ZSWIM6: variants seen among roughly 807,000 people sequenced by gnomAD.
ZSWIM6 encodes the protein zinc finger SWIM domain-containing protein 6.
In ZSWIM6, 9 loss-of-function variants were observed where a neutral mutation model predicts 113.2. The observed-to-expected ratio is 0.08, with a 90% CI of 0.05 to 0.14. The LOEUF (loss-of-function observed/expected upper bound fraction) is 0.14, where lower values mean the gene tolerates loss of function less well. ZSWIM6 is among the 10% of genes least tolerant of loss of function. The pLI is 1.00. For synonymous variants in ZSWIM6, 611 were observed against 606.5 expected (o/e 1.01, Z -0.11); for missense variants, 1,162 against 1,552.2 (o/e 0.75, Z 4.22).
chr5:61,362,477 T>G (rs749458329), intron 1 of ZSWIM6, among the ~76,000 whole-genome samples: 94 of 152,286 alleles, frequency 6.2e-4, no homozygotes, highest in Non-Finnish European at 1.2e-3. Context: ...AGATTACAAG[T>G]GTGAGCCACT....
chr5:61,527,348 T>C (rs1749315225), intron 7 of ZSWIM6, among the ~76,000 whole-genome samples: 1 of 152,198 alleles, frequency 6.6e-6, no homozygotes, highest in Non-Finnish European at 1.5e-5. Context: ...GTTTTGGTTT[T>C]GGTTTTGGTT....
At chr5:61,382,630 C>T (rs1215966554) in intron 1 of ZSWIM6, among the ~76,000 whole-genome samples, 2 of 152,060 alleles carry the variant, frequency 1.3e-5, no homozygotes, top group South Asian at 2.1e-4. Context: ...ATGGTGAAAC[C>T]CCCCTCTACT....
At chr5:61,444,032 G>C (rs1351655912) in intron 1 of ZSWIM6, among the ~76,000 whole-genome samples, 2 of 151,512 alleles carry the variant, frequency 1.3e-5, no homozygotes, top group Non-Finnish European at 2.9e-5. Flanking sequence ...GTGCCATGTT[G>C]GTGTGCTGTA....
Position 61,332,319 on chromosome 5 carries a change from G to T in ZSWIM6, c.47G>T (p.Cys16Phe), listed in dbSNP as rs1361775935. 8.6e-7 allele frequency: 1 copy of T among 1,160,638 alleles called. No individual in the cohort carries two copies. The highest frequency in any genetic ancestry group is 1.1e-6 in the Non-Finnish European group (1 of 943,642). The allele number at this position is 1,160,638 out of a possible 1,614,324, so 71.9% of individuals were successfully genotyped here. A position where few individuals can be genotyped will look rare whatever the true frequency, so the allele number is the denominator to read the frequency against. Reference sequence around the variant, plus strand: ...CCTCCTCCCGCGAAACGGCTTTGCTGCCGGCCGGGCGGCGGCGGCGGCGGC... The same window carrying T: ...CCTCCTCCCGCGAAACGGCTTTGCTTCCGGCCGGGCGGCGGCGGCGGCGGC... ...QQPPPAKRLC[C>F]RPGGGGGGGG... Residue 16 changes from cysteine to phenylalanine, a missense_variant, in exon 1 of 14, where the codon TGC becomes TTC. By Grantham distance (205) the Cys-to-Phe change is radical (BLOSUM62 -2). Transcript: ENST00000252744.
intron 1 of ZSWIM6, among the ~76,000 whole-genome samples, chr5:61,373,825 C>T (rs1745316383): frequency 6.6e-6 from 1 of 151,908 alleles, no homozygotes; most frequent in Non-Finnish European, 1.5e-5. Flanking sequence ...TTTTTGATAT[C>T]TAAGATTTTT....
At chr5:61,440,000 T>C (rs1310792211) in intron 1 of ZSWIM6, among the ~76,000 whole-genome samples, 4 of 152,120 alleles carry the variant, frequency 2.6e-5, no homozygotes, top group African/African-American at 9.7e-5. Context: ...AAATCATGAC[T>C]TAGTATTTTA....
chr5:61,359,753 A>G (rs1007973296), intron 1 of ZSWIM6, among the ~76,000 whole-genome samples: 6 of 152,180 alleles, frequency 3.9e-5, no homozygotes, highest in Non-Finnish European at 8.8e-5. Context: ...GTAGTGATCT[A>G]AAGTCTTTAC....
intron 2 of ZSWIM6, among the ~76,000 whole-genome samples, chr5:61,486,798 T>G (rs537200209): frequency 1.3e-5 from 2 of 152,082 alleles, no homozygotes; most frequent in South Asian, 2.1e-4. Flanking sequence ...ATTTGTGGGG[T>G]TTTTTTGTTT....
In ZSWIM6 at chr5:61,332,736, C is replaced by T. The variant is rs1288894654; in HGVS notation, c.464C>T (p.Ser155Phe). The T allele has an allele frequency of 8.6e-5, 82 of 950,850 alleles. No homozygotes were observed. The South Asian group carries it at 3.5e-3, about 41-fold the overall frequency. The allele number at this position is 950,850 out of a possible 1,614,324, so 58.9% of individuals were successfully genotyped here. A position where few individuals can be genotyped will look rare whatever the true frequency, so the allele number is the denominator to read the frequency against. Reference sequence around the variant, plus strand: ...GCGGGCGGCGGCGGCGGCGGCGGCTCCTCGTCTTCCCCGGCCGCAACCTCG... The same window carrying T: ...GCGGGCGGCGGCGGCGGCGGCGGCTTCTCGTCTTCCCCGGCCGCAACCTCG... ...GGAGGGGGGG[S>F]SSSPAATSAA... The change falls in exon 1 of 14, where the codon TCC (serine) becomes TTC (phenylalanine). Residue 155 changes from serine to phenylalanine, a missense_variant. Transcript: ENST00000252744.
chr5:61,369,813 G>C (rs1233350145), intron 1 of ZSWIM6, among the ~76,000 whole-genome samples: 1 of 152,124 alleles, frequency 6.6e-6, no homozygotes, highest in Non-Finnish European at 1.5e-5. Context: ...GTTAAGATTT[G>C]CAATATTACT....
chr5:61,526,432 A>G, intron 7 of ZSWIM6, 36 bp downstream of exon 7: 1 of 1,550,310 alleles, frequency 6.5e-7, no homozygotes. Context: ...TTGGAATGGG[A>G]TTCTTAGTGA....
At chr5:61,461,299 GCTCT>G (rs1342905952) in intron 1 of ZSWIM6, among the ~76,000 whole-genome samples, 1 of 152,094 alleles carries the variant, frequency 6.6e-6, no homozygotes, top group Non-Finnish European at 1.5e-5. Flanking sequence ...GTCATGGTTG[GCTCT>G]CTATTACTGC....
At chr5:61,531,413 T>C in intron 8 of ZSWIM6, 52 bp from the exon 9 acceptor site, 1 of 1,514,406 alleles carries the variant, frequency 6.6e-7, no homozygotes, top group Non-Finnish European at 8.9e-7. Flanking sequence ...ACTTATCATA[T>C]CATCTGCAAA....
At chr5:61,410,562 C>A (rs1746133220) in intron 1 of ZSWIM6, among the ~76,000 whole-genome samples, 1 of 152,136 alleles carries the variant, frequency 6.6e-6, no homozygotes, top group Non-Finnish European at 1.5e-5. Context: ...CCCACCTTGG[C>A]CTCCCAGAGT....
intron 4 of ZSWIM6, among the ~76,000 whole-genome samples, chr5:61,506,240 A>G (rs943151060): frequency 6.6e-6 from 1 of 152,118 alleles, no homozygotes; most frequent in African/African-American, 2.4e-5. Flanking sequence ...GTTTTAGTGA[A>G]TTAAAAACTG....
At chr5:61,426,626 G>GT (rs1746467785) in intron 1 of ZSWIM6, among the ~76,000 whole-genome samples, 1 of 150,920 alleles carries the variant, frequency 6.6e-6, no homozygotes, top group African/African-American at 2.4e-5. Flanking sequence ...TTCCTTCACA[G>GT]TAACAGGATC....
At chr5:61,532,395 G>C (rs1212531813) in intron 9 of ZSWIM6, among the ~76,000 whole-genome samples, 1 of 152,170 alleles carries the variant, frequency 6.6e-6, no homozygotes, top group Non-Finnish European at 1.5e-5. Context: ...AAAGGTAAAT[G>C]TAATTCATGT....
intron 1 of ZSWIM6, among the ~76,000 whole-genome samples, chr5:61,365,170 G>A (rs940099179): frequency 9.9e-5 from 15 of 151,892 alleles, no homozygotes; most frequent in African/African-American, 1.9e-4. Flanking sequence ...TGGCCAACAC[G>A]GTGAAACCCC....
At chr5:61,381,828 T>G (rs1404614442) in intron 1 of ZSWIM6, among the ~76,000 whole-genome samples, 3 of 152,220 alleles carry the variant, frequency 2.0e-5, no homozygotes, top group Non-Finnish European at 4.4e-5. Flanking sequence ...TATAGTAGTT[T>G]TTTGTGTGGA....
Sources: gnomAD v4.1 joint callset for allele counts (sites outside exome capture counted in the v4.1 genomes callset) on GRCh38, gnomAD v4.1.1 for gene constraint, MANE v1.5 for transcripts, NCBI Gene and HGNC (gene_info 2026-07-23, HGNC 2026-07-21) for gene names.